The following RPN1 variants were observed in gnomAD, a reference collection of about 807,000 sequenced individuals.
RPN1 encodes the protein dolichyl-diphosphooligosaccharide--protein glycosyltransferase subunit 1.
RPN1 carries 12 observed loss-of-function variants against 55.5 expected under a neutral mutation model. The ratio of observed to expected loss-of-function variants is 0.22; its 90% confidence interval spans 0.14 to 0.35. RPN1 has a LOEUF of 0.35. Among genes scored for constraint, RPN1 ranks in the 10% least tolerant of loss-of-function variants. The probability of loss-of-function intolerance (pLI) is 1.00; values close to 1 mark genes in which losing one functional copy is unlikely to be tolerated. For missense variants in RPN1, 679 were observed against 761.3 expected, an observed-to-expected ratio of 0.89 and a Z score of 1.27; for synonymous variants, 317 against 305.9, an observed-to-expected ratio of 1.04 and a Z score of -0.38.
chr3:128,631,750 A>T (rs2069643540), intron 4 of RPN1, among the ~76,000 whole-genome samples, 198 bp downstream of exon 4: 1 of 152,174 alleles, frequency 6.6e-6, no homozygotes, highest in South Asian at 2.1e-4. Flanking sequence ...TCAAAGAAAA[A>T]AAAGAAAATG....
intron 6 of RPN1, among the ~76,000 whole-genome samples, 198 bp downstream of exon 6, chr3:128,626,535 G>A (rs2069601234): frequency 6.6e-6 from 1 of 152,204 alleles, no homozygotes; most frequent in Admixed American, 6.6e-5. Flanking sequence ...TCCACAGGAA[G>A]AAAATCAAGG....
At position 128,632,074 on chromosome 3, in the gene RPN1, C is replaced by A; in HGVS notation, c.717G>T (p.Trp239Cys). The A allele has an allele frequency of 1.2e-6, 2 of 1,614,116 alleles. 1 individual carries two copies. Among genetic ancestry groups the A allele is most frequent in the South Asian group, 2.2e-5 (2 of 91,084 alleles). ...CATTTTCTTCCACAGCAATATTACC[C>A]CAGTGAGAGACTTCAATGACTCGGG... ...SMTRVIEVSH[W>C]GNIAVEENVD... The change falls in exon 4 of 10, where the codon TGG becomes TGT. Residue 239 changes from tryptophan (W) to cysteine (C), a missense_variant. Trp to Cys is a radical substitution (Grantham distance 215, BLOSUM62 -2). This residue lies in a region of RPN1 where 352 missense variants were observed against 352.8 expected (regional missense o/e 1.00). Transcript: ENST00000296255.
chr3:128,630,802 T>C (rs1043653698), intron 4 of RPN1, among the ~76,000 whole-genome samples: 4 of 152,252 alleles, frequency 2.6e-5, no homozygotes, highest in African/African-American at 9.6e-5. Flanking sequence ...CCTTTTTCTA[T>C]TCAAATTTTC....
At chr3:128,649,322 T>C (rs768857959) in intron 1 of RPN1, among the ~76,000 whole-genome samples, 12 of 152,218 alleles carry the variant, frequency 7.9e-5, no homozygotes, top group Non-Finnish European at 1.6e-4. Flanking sequence ...GGTCCACTTA[T>C]ACTGTAACAA....
intron 2 of RPN1, among the ~76,000 whole-genome samples, chr3:128,639,503 G>A (rs2069709195): frequency 1.3e-5 from 2 of 151,540 alleles, no homozygotes. Context: ...AGTATTTCAA[G>A]GAATGTTCAA....
At chr3:128,645,612 T>C (rs2069761183) in intron 1 of RPN1, among the ~76,000 whole-genome samples, 1 of 149,224 alleles carries the variant, frequency 6.7e-6, no homozygotes, top group South Asian at 2.1e-4. Context: ...AGGTCAGGAG[T>C]TTGAGACCAG....
Position 128,650,700 on chromosome 3 carries a change from T to C in RPN1, c.101A>G (p.Glu34Gly). Residue 34 changes from glutamate (E) to glycine (G), a missense_variant, in exon 1 of 10, where the codon GAG becomes GGG. Physicochemically the swap from Glu to Gly is moderately conservative, Grantham distance 98. This residue lies in a region of RPN1 where 352 missense variants were observed against 352.8 expected (regional missense o/e 1.00). Transcript: ENST00000296255. ...TAGGTCCACTGTGCGCTTCACGTCC[T>C]CATTGATCAGCGGCGGTGCCTCGGA... ...ASSEAPPLIN[E>G]DVKRTVDLSS... is the part of the protein sequence containing the mutation. 6.4e-7 allele frequency: 1 copy of C among 1,570,084 alleles called. No homozygotes were observed. The highest frequency in any genetic ancestry group is 8.6e-7 in the Non-Finnish European group (1 of 1,157,576).
In RPN1 at chr3:128,650,633, C is replaced by G. The variant is rs1323561170; in HGVS notation, c.168G>C (p.Ala56=). 3 of 1,555,012 alleles carry G rather than the reference C, an allele frequency of 1.9e-6. No homozygotes were observed. In the African/African-American group the frequency reaches 4.1e-5, roughly 21 times the overall value. The change falls in exon 1 of 10, where the codon GCG becomes GCC. Residue 56 remains alanine, a synonymous_variant. Coordinates refer to ENST00000296255, the MANE Select transcript of RPN1 (RefSeq NM_002950.4). ...LAKVTAEVVL[A]HLGGGSTSRA... ...GGGACGTGGAGCCGCCGCCCAGGTGCGCCAGGACCACCTCGGCCGTCACCT... is the reference window on the plus strand; with the variant it reads ...GGGACGTGGAGCCGCCGCCCAGGTGGGCCAGGACCACCTCGGCCGTCACCT...
chr3:128,625,116 T>G (rs929153770), intron 8 of RPN1, among the ~76,000 whole-genome samples: 1 of 150,408 alleles, frequency 6.6e-6, no homozygotes, highest in African/African-American at 2.5e-5. Context: ...AGAGTGGGAG[T>G]GGGGAGAACG....
At chr3:128,639,455 GAA>G (rs370062932) in intron 2 of RPN1, among the ~76,000 whole-genome samples, 12 of 81,714 alleles carry the variant, frequency 1.5e-4, no homozygotes, top group African/African-American at 5.1e-4. Flanking sequence ...ACCGTCTCAA[GAA>G]AAAAAAAAAA....
At position 128,620,294 on chromosome 3, in the gene RPN1, G is replaced by A; in HGVS notation, c.*117C>T. 2.4e-6 allele frequency: 2 copies of A among 824,656 alleles called. No individual in the cohort carries two copies. The highest frequency in any genetic ancestry group is 3.6e-6 in the Non-Finnish European group (2 of 556,882). The allele number at this position is 824,656 out of a possible 1,614,324, so 51.1% of individuals were successfully genotyped here. A position where few individuals can be genotyped will look rare whatever the true frequency, so the allele number is the denominator to read the frequency against. On this transcript the variant is annotated 3_prime_UTR_variant, in exon 10 of 10. Transcript: ENST00000296255. ...AGGGCCTGGTTTCTCTTCCTTGAAG[G>A]CCTTTTACAGATGTCAGCTTTCACT...
chr3:128,629,530 C>T (rs1198803337), intron 5 of RPN1, among the ~76,000 whole-genome samples: 1 of 152,038 alleles, frequency 6.6e-6, no homozygotes, highest in African/African-American at 2.4e-5. Flanking sequence ...CATTCCACTC[C>T]AGCCTGGGTG....
chr3:128,624,225 C>G (rs1469792497), intron 8 of RPN1, among the ~76,000 whole-genome samples: 1 of 152,158 alleles, frequency 6.6e-6, no homozygotes, highest in African/African-American at 2.4e-5. Flanking sequence ...TGTCTCATGC[C>G]TGTAATCCCA....
intron 1 of RPN1, among the ~76,000 whole-genome samples, chr3:128,647,211 G>GA (rs1459719730): frequency 3.3e-5 from 5 of 151,688 alleles, no homozygotes; most frequent in African/African-American, 7.3e-5. Flanking sequence ...ACCCTCAACT[G>GA]AAAAAAACAA....
Position 128,626,098 on chromosome 3 carries a change from A to G in RPN1, c.1137-86T>C, listed in dbSNP as rs1399297943. 3 of 1,351,602 alleles carry G rather than the reference A, an allele frequency of 2.2e-6. No individual in the cohort carries two copies. The East Asian group carries it at 7.0e-5, about 31-fold the overall frequency. 83.7% of individuals were successfully genotyped at this position (1,351,602 alleles called of 1,614,324 possible). A position where few individuals can be genotyped will look rare whatever the true frequency, so the allele number is the denominator to read the frequency against. On this transcript the variant is annotated intron_variant, in intron 6 of 9. Coordinates refer to ENST00000296255, the MANE Select transcript of RPN1 (RefSeq NM_002950.4). The stretch of plus-strand genomic sequence containing the variant: ...GGATCAGAGAATTCCAAGGCTAAGG[A>G]GCCTTTCAAGATCACTAAATTCACA...
chr3:128,640,219 A>G lies in RPN1; in HGVS notation c.327-2114T>C, dbSNP rs539730317. Among the ~76,000 whole-genome samples, 15 of 152,266 alleles carry G rather than the reference A, an allele frequency of 9.9e-5. 1 individual carries two copies. In the East Asian group the frequency reaches 2.9e-3, roughly 29 times the overall value. ...CAGATGGCCTGGAAACTTAAAATTC[A>G]CAGGGTACTAATTCTAAACTGAATC... On this transcript the variant is annotated intron_variant, in intron 2 of 9. Transcript: ENST00000296255.
intron 3 of RPN1, among the ~76,000 whole-genome samples, chr3:128,634,916 T>C (rs2069665942): frequency 1.3e-5 from 2 of 152,204 alleles, no homozygotes; most frequent in South Asian, 4.1e-4. Flanking sequence ...CCCAAATATT[T>C]ATATTTTTAA....
At position 128,622,392 on chromosome 3, in the gene RPN1, G is replaced by A. The variant is rs2069566808; in HGVS notation, c.1413C>T (p.Ala471=). Residue 471 remains alanine, a synonymous_variant, in exon 9 of 10, where the codon GCC becomes GCT. Coordinates refer to ENST00000296255, the MANE Select transcript of RPN1 (RefSeq NM_002950.4). ...FSITKDPAAE[A]RMKVACITEQ... ...CTGTGATGCAGGCTACCTTCATCCTGGCTTCTGCGGCTGGATCCTGAAGGA... is the reference window on the plus strand; with the variant it reads ...CTGTGATGCAGGCTACCTTCATCCTAGCTTCTGCGGCTGGATCCTGAAGGA... 3 of 1,614,132 alleles carry A rather than the reference G, an allele frequency of 1.9e-6. No individual in the cohort carries two copies. The highest frequency in any genetic ancestry group is 2.5e-6 in the Non-Finnish European group (3 of 1,180,028).
chr3:128,648,668 C>A (rs551316774), intron 1 of RPN1, among the ~76,000 whole-genome samples: 2 of 152,286 alleles, frequency 1.3e-5, no homozygotes, highest in African/African-American at 4.8e-5. Context: ...AGTTTATCAT[C>A]CAGTTGTTTC....
Sources: allele counts gnomAD v4.1 joint callset (sites outside exome capture counted in the v4.1 genomes callset), GRCh38; gene constraint gnomAD v4.1.1; regional missense constraint gnomAD v4.1.1; transcripts MANE v1.5; gene names NCBI Gene and HGNC (gene_info 2026-07-23, HGNC 2026-07-21).